CACNB4: variants seen among roughly 807,000 people sequenced by gnomAD.
CACNB4 encodes calcium voltage-gated channel auxiliary subunit beta 4.
In CACNB4, 32 loss-of-function variants were observed where a neutral mutation model predicts 71.2. The ratio of observed to expected loss-of-function variants is 0.45; its 90% CI spans 0.34 to 0.60. The LOEUF (loss-of-function observed/expected upper bound fraction) is 0.60, where lower values mean the gene tolerates loss of function less well. Ranked by LOEUF, CACNB4 falls within the 20% of genes least tolerant of loss-of-function variation. The pLI is 0.01. For missense variants in CACNB4, 464 were observed against 647.9 expected (o/e 0.72, Z 3.08); for synonymous variants, 231 against 236.9 (o/e 0.97, Z 0.23).
chr2:152,041,211 C>T (rs1012939854), intron 2 of CACNB4, among the ~76,000 whole-genome samples: 2 of 152,184 alleles, frequency 1.3e-5, no homozygotes, highest in Non-Finnish European at 2.9e-5. Flanking sequence ...CTCTCATTTG[C>T]TAATCCCAAA....
intron 2 of CACNB4, among the ~76,000 whole-genome samples, chr2:152,061,670 C>T (rs1212964249): frequency 6.6e-6 from 1 of 151,594 alleles, no homozygotes; most frequent in East Asian, 1.9e-4. Flanking sequence ...TGAATGTTTC[C>T]AGATATGACT....
chr2:152,074,615 C>T (rs1686896302), intron 2 of CACNB4, among the ~76,000 whole-genome samples: 1 of 114,802 alleles, frequency 8.7e-6, no homozygotes, highest in Non-Finnish European at 1.8e-5. Context: ...TCCACCATCA[C>T]CATCACCCCC....
chr2:152,017,855 T>C lies in CACNB4; in HGVS notation c.147+80475A>G, dbSNP rs372905044. ...ACACAATTCTTTTCTTTTTTTTTTA[T>C]GGAATTTCGCTCTTTTGCCCAGGCT... is the stretch of plus-strand genomic sequence containing the variant. On this transcript the variant is annotated intron_variant, in intron 2 of 13. Coordinates refer to ENST00000539935, the MANE Select transcript of CACNB4 (RefSeq NM_000726.5). 1.1e-4 allele frequency among the ~76,000 whole-genome samples: 16 copies of C among 152,052 alleles called. No homozygotes were observed. The East Asian group carries it at 2.5e-3, about 24-fold the overall frequency.
At chr2:152,070,539 A>C (rs1343235814) in intron 2 of CACNB4, among the ~76,000 whole-genome samples, 1 of 152,132 alleles carries the variant, frequency 6.6e-6, no homozygotes, top group Non-Finnish European at 1.5e-5. Flanking sequence ...CACGGAAACC[A>C]CACAAGAAGA....
intron 2 of CACNB4, among the ~76,000 whole-genome samples, chr2:152,022,350 A>G (rs1296861746): frequency 6.6e-6 from 1 of 152,230 alleles, no homozygotes; most frequent in African/African-American, 2.4e-5. Flanking sequence ...TGTGAAACCA[A>G]TAACTATTTC....
intron 2 of CACNB4, among the ~76,000 whole-genome samples, chr2:152,042,005 G>C: frequency 6.6e-6 from 1 of 152,172 alleles, no homozygotes; most frequent in East Asian, 1.9e-4. Context: ...GTGAAAGAAA[G>C]AGCAAACTAT....
chr2:151,955,106 C>T (rs1338499675), intron 2 of CACNB4, among the ~76,000 whole-genome samples: 1 of 152,144 alleles, frequency 6.6e-6, no homozygotes, highest in Non-Finnish European at 1.5e-5. Context: ...CCGCCCACCT[C>T]AGCCTCCCAA....
At chr2:151,893,539 G>A (rs1362343814) in intron 2 of CACNB4, among the ~76,000 whole-genome samples, 1 of 151,996 alleles carries the variant, frequency 6.6e-6, no homozygotes, top group African/African-American at 2.4e-5. Flanking sequence ...ATCGCACTCA[G>A]TCTTATAGCT....
intron 10 of CACNB4, among the ~76,000 whole-genome samples, chr2:151,855,985 T>C (rs996690001): frequency 1.8e-4 from 27 of 151,730 alleles, no homozygotes; most frequent in African/African-American, 6.5e-4. Context: ...AAGGCATAAT[T>C]AGCTTCAGTA....
chr2:151,892,367 T>TA (rs201052921), intron 2 of CACNB4, among the ~76,000 whole-genome samples: 1,445 of 139,796 alleles, frequency 0.01, 22 homozygotes, highest in African/African-American at 0.032. Context: ...ACTTGTGTCT[T>TA]AAAAAAAAAA....
chr2:151,854,674 C>T (rs542162293), intron 11 of CACNB4, among the ~76,000 whole-genome samples: 2 of 152,298 alleles, frequency 1.3e-5, no homozygotes, highest in East Asian at 1.9e-4. Context: ...CCCACAATGG[C>T]ATAAAGATAC....
At chr2:152,065,742 C>T (rs184895852) in intron 2 of CACNB4, among the ~76,000 whole-genome samples, 1 of 152,078 alleles carries the variant, frequency 6.6e-6, no homozygotes, top group African/African-American at 2.4e-5. Flanking sequence ...AGCCTAAAAT[C>T]TTTATGTAAG....
At chr2:152,015,287 C>A (rs1560133666) in intron 2 of CACNB4, among the ~76,000 whole-genome samples, 1 of 152,194 alleles carries the variant, frequency 6.6e-6, no homozygotes, top group Non-Finnish European at 1.5e-5. Flanking sequence ...CACCCGCCAC[C>A]ATGCCCAGCT....
chr2:151,976,487 T>TA (rs764826204), intron 2 of CACNB4, among the ~76,000 whole-genome samples: 7 of 152,146 alleles, frequency 4.6e-5, no homozygotes, highest in Non-Finnish European at 1.0e-4. Context: ...CCTTCCATTC[T>TA]AAAAAATTAT....
chr2:151,941,957 A>C (rs2099864372), intron 2 of CACNB4, among the ~76,000 whole-genome samples: 1 of 152,218 alleles, frequency 6.6e-6, no homozygotes, highest in Non-Finnish European at 1.5e-5. Context: ...AAAGGCCCCA[A>C]AGTAACCCTA....
At chr2:151,896,064 C>T (rs1250007618) in intron 2 of CACNB4, among the ~76,000 whole-genome samples, 1 of 152,086 alleles carries the variant, frequency 6.6e-6, no homozygotes, top group Non-Finnish European at 1.5e-5. Context: ...CGGGGCTGCT[C>T]TGAACTCCTG....
intron 2 of CACNB4, among the ~76,000 whole-genome samples, chr2:152,069,979 A>T (rs1421115855): frequency 6.6e-6 from 1 of 150,872 alleles, no homozygotes; most frequent in African/African-American, 2.4e-5. Flanking sequence ...AGTAGCTGCG[A>T]CTACAGGCAC....
At chr2:152,068,766 A>T (rs1276326031) in intron 2 of CACNB4, among the ~76,000 whole-genome samples, 1 of 152,106 alleles carries the variant, frequency 6.6e-6, no homozygotes, top group African/African-American at 2.4e-5. Flanking sequence ...GAGACCGAAG[A>T]ATCCACACCT....
In CACNB4 at chr2:152,001,482, A is replaced by G. The variant is rs184466172; in HGVS notation, c.147+96848T>C. Among the ~76,000 whole-genome samples, 149 of 130,964 alleles carry G rather than the reference A, an allele frequency of 1.1e-3. 1 individual carries two copies. Among genetic ancestry groups the G allele is most frequent in the Non-Finnish European group, 1.7e-3 (108 of 63,640 alleles). 85.9% of individuals were successfully genotyped at this position (130,964 alleles called of 152,430 possible). On this transcript the variant is annotated intron_variant, in intron 2 of 13. Coordinates refer to ENST00000539935, the MANE Select transcript of CACNB4 (RefSeq NM_000726.5). Reference sequence around the variant, plus strand: ...GACAGGTGGATCACCTGAGGTCAGGAGTTCGAGACCAGCCTGACCAACATG... The same window carrying G: ...GACAGGTGGATCACCTGAGGTCAGGGGTTCGAGACCAGCCTGACCAACATG...
Sources: allele counts gnomAD v4.1 joint callset (sites outside exome capture counted in the v4.1 genomes callset), GRCh38; gene constraint gnomAD v4.1.1; transcripts MANE v1.5; gene names NCBI Gene and HGNC (gene_info 2026-07-23, HGNC 2026-07-21).